The following ATP8A2 variants were observed in gnomAD, a reference collection of about 807,000 sequenced individuals.
ATP8A2 encodes the protein ATPase phospholipid transporting 8A2, also known as phospholipid-transporting ATPase IB.
ATP8A2 carries 100 observed loss-of-function variants against 165.6 expected under a neutral mutation model. The ratio of observed to expected loss-of-function variants is 0.60; its 90% confidence interval spans 0.51 to 0.71. ATP8A2 has a LOEUF of 0.71. Among genes scored for constraint, ATP8A2 ranks in the 30% least tolerant of loss-of-function variants. The probability of loss-of-function intolerance (pLI) is 0.00; values close to 1 mark genes in which losing one functional copy is unlikely to be tolerated. For synonymous variants in ATP8A2, 543 were observed against 548.8 expected (o/e 0.99, Z 0.15); for missense variants, 1,227 against 1,479.5 (o/e 0.83, Z 2.80).
chr13:25,800,419 C>T (rs1302913288), intron 27 of ATP8A2, among the ~76,000 whole-genome samples: 4 of 152,154 alleles, frequency 2.6e-5, no homozygotes, highest in Non-Finnish European at 4.4e-5. Context: ...AAAAGATGCT[C>T]ACGCCAGACA....
rs1026044060 is a variant in ATP8A2, at chr13:25,908,267, T to C, written c.3183+45859T>C. ...AGTTACCGTAAGTCAGCAGTCATTG[T>C]GTGCAGCTCTAGTCCGAGCACTTTA... On this transcript the variant is annotated intron_variant, in intron 33 of 36. Transcript: ENST00000381655. Among the ~76,000 whole-genome samples the C allele has an allele frequency of 5.3e-5, 8 of 152,322 alleles. 1 individual carries two copies. In the South Asian group the frequency reaches 1.0e-3, roughly 20 times the overall value.
intron 35 of ATP8A2, among the ~76,000 whole-genome samples, chr13:26,005,174 G>T (rs989132297): frequency 6.6e-6 from 1 of 151,842 alleles, no homozygotes; most frequent in Non-Finnish European, 1.5e-5. Flanking sequence ...TTGGTCAGTT[G>T]TGATAGGTTG....
chr13:25,505,993 C>T (rs1223793238), intron 2 of ATP8A2, among the ~76,000 whole-genome samples: 4 of 152,186 alleles, frequency 2.6e-5, no homozygotes, highest in Non-Finnish European at 5.9e-5. Flanking sequence ...AGCAGCTTCT[C>T]CAAGCTGACG....
In ATP8A2 at chr13:25,562,158, T is replaced by C. The variant is rs186194270; in HGVS notation, c.1398-1798T>C. Among the ~76,000 whole-genome samples, 51 of 152,318 alleles carry C rather than the reference T, an allele frequency of 3.3e-4. No homozygotes were observed. The East Asian group carries it at 9.3e-3, about 28-fold the overall frequency. On this transcript the variant is annotated intron_variant, in intron 15 of 36. Transcript: ENST00000381655. Reference sequence around the variant, plus strand: ...TCCTAAATATGGAATTACTGGGTCGTATGGTAATTCTGTGTTTGACTTTTT... The same window carrying C: ...TCCTAAATATGGAATTACTGGGTCGCATGGTAATTCTGTGTTTGACTTTTT...
At chr13:25,843,546 G>C (rs1372872258) in intron 30 of ATP8A2, among the ~76,000 whole-genome samples, 1 of 152,120 alleles carries the variant, frequency 6.6e-6, no homozygotes, top group Non-Finnish European at 1.5e-5. Flanking sequence ...CTTCCACTAT[G>C]TGGGAATATA....
intron 27 of ATP8A2, among the ~76,000 whole-genome samples, chr13:25,800,595 C>T (rs931778279): frequency 6.6e-6 from 1 of 152,070 alleles, no homozygotes; most frequent in Non-Finnish European, 1.5e-5. Context: ...GAATTTCTGC[C>T]TAAAAATTCA....
chr13:25,917,469 G>T (rs1566267162), intron 33 of ATP8A2, among the ~76,000 whole-genome samples: 1 of 152,214 alleles, frequency 6.6e-6, no homozygotes, highest in Non-Finnish European at 1.5e-5. Flanking sequence ...CCCTGAAGGG[G>T]TTTTTATAGT....
chr13:25,682,307 T>G (rs1419804343), intron 24 of ATP8A2, among the ~76,000 whole-genome samples: 1 of 151,960 alleles, frequency 6.6e-6, no homozygotes, highest in Non-Finnish European at 1.5e-5. Context: ...GCAAACACCT[T>G]ATAGTTTTGA....
intron 2 of ATP8A2, among the ~76,000 whole-genome samples, chr13:25,519,983 A>G (rs944528027): frequency 5.3e-5 from 8 of 152,240 alleles, no homozygotes; most frequent in African/African-American, 1.9e-4. Flanking sequence ...ATACATTCAT[A>G]TAGTGTGTAA....
rs1375368279 is a variant in ATP8A2, at chr13:25,589,688, G to GTC, written c.2200_2201insTC (p.Asp734ValfsTer30). 6.2e-7 allele frequency: 1 copy of GTC among 1,607,726 alleles called. No individual in the cohort carries two copies. Among genetic ancestry groups the GTC allele is most frequent in the African/African-American group, 1.3e-5 (1 of 74,728 alleles). ...TATGGCCCTTATCCTATTGAAGGAG[G>GTC]ACTCTTTGGATGTAAGTAGTTTTTC... On this transcript the variant is annotated frameshift_variant, in exon 24 of 37. Coordinates refer to ENST00000381655, the MANE Select transcript of ATP8A2 (RefSeq NM_016529.6). LOFTEE classifies it high-confidence loss of function.
intron 2 of ATP8A2, among the ~76,000 whole-genome samples, chr13:25,511,419 C>G (rs1484027348): frequency 6.6e-6 from 1 of 152,134 alleles, no homozygotes; most frequent in East Asian, 1.9e-4. Context: ...GTGGTCATCC[C>G]AGAACTTTCT....
At chr13:25,520,251 A>G (rs1178990375) in intron 2 of ATP8A2, among the ~76,000 whole-genome samples, 1 of 152,134 alleles carries the variant, frequency 6.6e-6, no homozygotes, top group Non-Finnish European at 1.5e-5. Context: ...GCTCTCACAT[A>G]TGAGTGAGAA....
chr13:25,837,753 A>T (rs962198591), intron 29 of ATP8A2, among the ~76,000 whole-genome samples: 2 of 152,088 alleles, frequency 1.3e-5, no homozygotes, highest in Non-Finnish European at 2.9e-5. Context: ...CGTAAAATTG[A>T]CTAGATATGA....
intron 25 of ATP8A2, among the ~76,000 whole-genome samples, chr13:25,727,496 C>T (rs191501545): frequency 2.0e-5 from 3 of 152,270 alleles, no homozygotes; most frequent in Non-Finnish European, 4.4e-5. Flanking sequence ...ACGATACACT[C>T]TCACATGCCC....
intron 24 of ATP8A2, among the ~76,000 whole-genome samples, chr13:25,611,266 A>G (rs2040679458): frequency 6.6e-6 from 1 of 151,864 alleles, no homozygotes; most frequent in African/African-American, 2.4e-5. Context: ...CATTTGGTAT[A>G]ATATTTTTGA....
At chr13:25,646,107 T>C (rs1260252612) in intron 24 of ATP8A2, among the ~76,000 whole-genome samples, 2 of 152,224 alleles carry the variant, frequency 1.3e-5, no homozygotes, top group Non-Finnish European at 2.9e-5. Context: ...GCTGGGTGCA[T>C]GTGTATTTAC....
intron 25 of ATP8A2, among the ~76,000 whole-genome samples, chr13:25,702,248 C>G (rs1488654885): frequency 2.0e-5 from 3 of 152,002 alleles, no homozygotes; most frequent in African/African-American, 7.3e-5. Flanking sequence ...AAGCATGTTC[C>G]TATCAATATT....
At chr13:25,848,457 G>C (rs1169967536) in intron 30 of ATP8A2, among the ~76,000 whole-genome samples, 1 of 152,226 alleles carries the variant, frequency 6.6e-6, no homozygotes, top group African/African-American at 2.4e-5. Context: ...TGTGTACCCA[G>C]GAGTAAGAAA....
At chr13:25,553,763 C>T in intron 11 of ATP8A2, 30 bp from the exon 12 acceptor site, 3 of 1,602,720 alleles carry the variant, frequency 1.9e-6, no homozygotes, top group Non-Finnish European at 2.6e-6. Context: ...GTTGTGAACA[C>T]CTTTCAGATA....
Sources: allele counts gnomAD v4.1 joint callset (sites outside exome capture counted in the v4.1 genomes callset), GRCh38; gene constraint gnomAD v4.1.1; transcripts MANE v1.5; gene names NCBI Gene and HGNC (gene_info 2026-07-23, HGNC 2026-07-21).